The following LCOR variants were observed in gnomAD, a reference collection of about 807,000 sequenced individuals.
LCOR encodes ligand-dependent corepressor.
LCOR carries 14 observed loss-of-function variants against 64.4 expected under a neutral mutation model. The observed-to-expected ratio is 0.22, with a 90% confidence interval of 0.14 to 0.34. LCOR has a LOEUF of 0.34. Among genes scored for constraint, LCOR ranks in the 10% least tolerant of loss-of-function variants. The pLI, the probability that LCOR is intolerant of heterozygous loss-of-function variation, is 1.00. For missense variants in LCOR, 1,686 were observed against 1,765.3 expected (o/e 0.96, Z 0.80); for synonymous variants, 643 against 642.5 (o/e 1.00, Z -0.01).
chr10:96,888,389 A>T (rs1294045775), intron 2 of LCOR, among the ~76,000 whole-genome samples: 1 of 149,604 alleles, frequency 6.7e-6, no homozygotes. Context: ...AAAAAAAAAA[A>T]AAGAACAGTA....
intron 4 of LCOR, among the ~76,000 whole-genome samples, chr10:96,937,083 C>A (rs375010810): frequency 6.6e-6 from 1 of 152,164 alleles, no homozygotes; most frequent in African/African-American, 2.4e-5. Context: ...ATGATGAAGT[C>A]ATGTTGGATT....
intron 4 of LCOR, among the ~76,000 whole-genome samples, chr10:96,936,844 C>G (rs1847359222): frequency 6.6e-6 from 1 of 152,062 alleles, no homozygotes; most frequent in Non-Finnish European, 1.5e-5. Context: ...TGTTTTTTTC[C>G]TGTACACACA....
At chr10:96,833,110 C>T (rs374556825) in intron 1 of LCOR, 12 of 985,706 alleles carry the variant, frequency 1.2e-5, no homozygotes, top group East Asian at 1.1e-4. Flanking sequence ...ATCCTCGACG[C>T]ACGGGTCGGT....
chr10:96,956,594 A>T (rs1404379050), intron 7 of LCOR: 1 of 985,644 alleles, frequency 1.0e-6, no homozygotes, highest in Non-Finnish European at 1.2e-6. Context: ...GTGGTGGAAA[A>T]TGTGCACACA....
At chr10:96,940,303 ATTTTTTTTTTTTTTT>A (rs552752409) in intron 4 of LCOR, among the ~76,000 whole-genome samples, 8 of 65,452 alleles carry the variant, frequency 1.2e-4, no homozygotes, top group Non-Finnish European at 1.4e-4. Flanking sequence ...GGTGGTCATG[ATTTTTTTTTTTTTTT>A]TTTTTTTTTT....
chr10:96,885,897 G>T (rs1459397858), intron 2 of LCOR, among the ~76,000 whole-genome samples: 1 of 152,070 alleles, frequency 6.6e-6, no homozygotes, highest in Non-Finnish European at 1.5e-5. Flanking sequence ...TGATTTTAAA[G>T]ATTGTGTTTG....
Position 96,973,525 on chromosome 10 carries a change from G to A in LCOR, c.333-7268G>A, listed in dbSNP as rs574745083. On this transcript the variant is annotated intron_variant, in intron 7 of 7. Transcript: ENST00000421806. ...TATACTTATACTTTCTGTGCTTAAA[G>A]GAGAAGAAGTGAGTAAACTAGGGGA... 2.0e-5 allele frequency among the ~76,000 whole-genome samples: 3 copies of A among 152,258 alleles called. No individual in the cohort carries two copies. In the East Asian group the frequency reaches 5.8e-4, roughly 29 times the overall value.
At position 96,995,597 on chromosome 10, in the gene LCOR, ATATAT is replaced by A. The variant is rs1321189227; in HGVS notation, c.*10466_*10470del. Reference sequence around the variant, plus strand: ...GAGAGTGTATATATAAAATTTTAAAATATATTAAGTTGCTTTAAAACAATATGTAT... The same window carrying A: ...GAGAGTGTATATATAAAATTTTAAAATAAGTTGCTTTAAAACAATATGTAT... On this transcript the variant is annotated 3_prime_UTR_variant, in exon 8 of 8. Transcript: ENST00000421806. This position sits in a 1 kb window ranked among gnomAD's most constrained non-coding sequence, Gnocchi z 4.2. 3 of 152,344 alleles carry A rather than the reference ATATAT, an allele frequency of 2.0e-5. No homozygotes were observed. The highest frequency in any genetic ancestry group is 1.9e-4 in the East Asian group (1 of 5,190). The allele number at this position is 152,344 out of a possible 1,614,324, so 9.4% of individuals were successfully genotyped here.
intron 2 of LCOR, among the ~76,000 whole-genome samples, chr10:96,864,719 C>T (rs530234598): frequency 9.2e-5 from 14 of 152,280 alleles, no homozygotes; most frequent in Middle Eastern, 3.4e-3. Context: ...TATACCTTTT[C>T]TGTGTTTAGG....
intron 1 of LCOR, 120 bp downstream of exon 1, chr10:96,832,519 C>A (rs944291707): frequency 2.8e-4 from 62 of 222,066 alleles, no homozygotes; most frequent in Non-Finnish European, 4.3e-4. Context: ...CTCTTTGGCT[C>A]GAGCGTCCCC....
At chr10:96,932,620 C>T (rs1286284552) in intron 4 of LCOR, among the ~76,000 whole-genome samples, 3 of 152,084 alleles carry the variant, frequency 2.0e-5, no homozygotes, top group Non-Finnish European at 2.9e-5. Context: ...CACGCCACCA[C>T]ACCTGGCTAA....
At chr10:96,972,809 A>G (rs532424327) in intron 7 of LCOR, among the ~76,000 whole-genome samples, 2 of 152,244 alleles carry the variant, frequency 1.3e-5, no homozygotes, top group African/African-American at 4.8e-5. Context: ...TTTTTCCCCC[A>G]GTTTCGATTA....
chr10:96,982,658 T>C lies in LCOR; in HGVS notation c.2198T>C (p.Val733Ala), dbSNP rs1347192003. ...AEDNQSISAE[V>A]ESGDTQELNV... ...GACAACCAAAGCATCAGTGCTGAGG[T>C]TGAGTCTGGAGACACCCAGGAGCTA... Residue 733 changes from valine (V) to alanine (A), a missense_variant, in exon 8 of 8, where the codon GTT becomes GCT. Around this residue, in one of 3 missense-constraint regions of LCOR, gnomAD observed 1,293 missense variants for 1,410.4 expected, o/e 0.92. Transcript: ENST00000421806. The C allele has an allele frequency of 2.5e-6, 4 of 1,614,066 alleles. No homozygotes were observed. Among genetic ancestry groups the C allele is most frequent in the Middle Eastern group, 3.3e-4 (2 of 6,062 alleles).
At chr10:96,857,142 TTG>T (rs1453742109) in intron 2 of LCOR, among the ~76,000 whole-genome samples, 1 of 152,120 alleles carries the variant, frequency 6.6e-6, no homozygotes, top group African/African-American at 2.4e-5. Flanking sequence ...TTAATTTTAA[TTG>T]TAGTTATTTC....
chr10:96,978,339 A>C (rs1848054878), intron 7 of LCOR, among the ~76,000 whole-genome samples: 1 of 152,220 alleles, frequency 6.6e-6, no homozygotes, highest in Non-Finnish European at 1.5e-5. Context: ...AAGCAGGAGG[A>C]GCTTATTCCA....
chr10:96,981,347 A>G lies in LCOR; in HGVS notation c.887A>G (p.Glu296Gly). Residue 296 changes from glutamate (E) to glycine (G), a missense_variant, in exon 8 of 8, where the codon GAG (glutamate) becomes GGG (glycine). Coordinates refer to ENST00000421806, the MANE Select transcript of LCOR (RefSeq NM_001346516.2). ...TTGGAGGGGCAGACCACTGGACAAG[A>G]GCAAGACACAAATGTGAACATATGT... ...KILEGQTTGQ[E>G]QDTNVNICED... 6.2e-7 allele frequency: 1 copy of G among 1,613,706 alleles called. No homozygotes were observed. Among genetic ancestry groups the G allele is most frequent in the Non-Finnish European group, 8.5e-7 (1 of 1,179,842 alleles).
At chr10:96,885,116 A>G (rs531483095) in intron 2 of LCOR, among the ~76,000 whole-genome samples, 2 of 152,246 alleles carry the variant, frequency 1.3e-5, no homozygotes, top group Non-Finnish European at 2.9e-5. Context: ...AAATCTATTT[A>G]TAGACCTTTT....
intron 4 of LCOR, among the ~76,000 whole-genome samples, chr10:96,937,561 A>T (rs998628034): frequency 1.3e-5 from 2 of 152,134 alleles, no homozygotes; most frequent in Non-Finnish European, 2.9e-5. Context: ...GATATTGCCC[A>T]GGCTGGTCTT....
At chr10:96,945,089 G>A (rs1436444022) in intron 5 of LCOR, among the ~76,000 whole-genome samples, 1 of 152,090 alleles carries the variant, frequency 6.6e-6, no homozygotes. Context: ...TTACTGTGAT[G>A]GGTTCTAAAA....
Sources: allele counts gnomAD v4.1 joint callset (sites outside exome capture counted in the v4.1 genomes callset), GRCh38; gene constraint gnomAD v4.1.1; regional missense constraint gnomAD v4.1.1; non-coding constraint Gnocchi (gnomAD v3.1); transcripts MANE v1.5; gene names NCBI Gene and HGNC (gene_info 2026-07-23, HGNC 2026-07-21).